Variants in NFAM1 observed in about 807,000 individuals in gnomAD.
NFAM1 encodes NFAT activating protein with ITAM motif 1, also known as NFAT activation molecule 1.
In NFAM1, 17 loss-of-function variants were observed where a neutral mutation model predicts 29.0. The ratio of observed to expected loss-of-function variants is 0.59; its 90% confidence interval spans 0.40 to 0.88. NFAM1 has a LOEUF of 0.88. NFAM1 is among the 40% of genes least tolerant of loss of function. The pLI is 0.00. For missense variants in NFAM1, 324 were observed against 344.6 expected, an observed-to-expected ratio of 0.94 and a Z score of 0.47; for synonymous variants, 175 against 147.2, an observed-to-expected ratio of 1.19 and a Z score of -1.36.
intron 1 of NFAM1, among the ~76,000 whole-genome samples, chr22:42,426,980 C>T (rs1289938558): frequency 6.6e-6 from 1 of 151,988 alleles, no homozygotes; most frequent in Non-Finnish European, 1.5e-5. Flanking sequence ...AGCACCCAGG[C>T]GGGGGGGCTC....
intron 1 of NFAM1, among the ~76,000 whole-genome samples, chr22:42,430,002 C>G (rs1164484628): frequency 6.6e-6 from 1 of 152,174 alleles, no homozygotes; most frequent in African/African-American, 2.4e-5. Context: ...GTGGCTCACG[C>G]CTGTAATCCC....
intron 1 of NFAM1, among the ~76,000 whole-genome samples, chr22:42,428,468 G>C (rs1930695515): frequency 6.6e-6 from 1 of 152,062 alleles, no homozygotes. Flanking sequence ...TTGAGACAGA[G>C]TCCTGCTCTG....
chr22:42,433,140 T>C (rs535683707), upstream of NFAM1, among the ~76,000 whole-genome samples: 6 of 152,240 alleles, frequency 3.9e-5, no homozygotes, highest in African/African-American at 1.2e-4. Flanking sequence ...GGGACAGGAA[T>C]TGTTTGCTGC....
chr22:42,392,273 G>C (rs1929370097), intron 4 of NFAM1, among the ~76,000 whole-genome samples: 1 of 152,184 alleles, frequency 6.6e-6, no homozygotes, highest in African/African-American at 2.4e-5. Context: ...GGAGAGTGTG[G>C]AATGTTCTGG....
intron 1 of NFAM1, among the ~76,000 whole-genome samples, chr22:42,427,417 G>C (rs1382085684): frequency 6.6e-6 from 1 of 152,236 alleles, no homozygotes; most frequent in Non-Finnish European, 1.5e-5. Flanking sequence ...CTGTGGCATC[G>C]CGTCTCCACC....
At chr22:42,410,019 T>G (rs1930029511) in intron 2 of NFAM1, among the ~76,000 whole-genome samples, 2 of 152,128 alleles carry the variant, frequency 1.3e-5, no homozygotes, top group South Asian at 4.1e-4. Flanking sequence ...CATCCAGTCC[T>G]CCTTCCCCTC....
At chr22:42,406,840 T>C (rs1425482407) in intron 3 of NFAM1, among the ~76,000 whole-genome samples, 2 of 152,090 alleles carry the variant, frequency 1.3e-5, no homozygotes, top group African/African-American at 4.8e-5. Flanking sequence ...AGTGGTGCCA[T>C]CTCGGCTCAC....
intron 1 of NFAM1, among the ~76,000 whole-genome samples, chr22:42,417,099 T>A (rs1053468303): frequency 6.6e-6 from 1 of 151,982 alleles, no homozygotes; most frequent in Non-Finnish European, 1.5e-5. Context: ...TCCACCCAGG[T>A]TGACCGGTGG....
rs1183151444 is a variant in NFAM1 at position 42,419,989 on chromosome 22, GGTTTTTTTTTTTTTTTTTTT to G, written c.122-8273_122-8254del. On this transcript the variant is annotated intron_variant, in intron 1 of 5. Coordinates refer to ENST00000329021, the MANE Select transcript of NFAM1 (RefSeq NM_145912.8). The surrounding 1 kb of genome is among the most constrained non-coding windows in gnomAD (Gnocchi z 4.5). ...CCTTTGAGTCTGTAATCCCACTCTT[GGTTTTTTTTTTTTTTTTTTT>G]TTTTTTTTTTTTTTTTTCTGAGGCA... is the stretch of plus-strand genomic sequence containing the variant. Among the ~76,000 whole-genome samples the G allele has an allele frequency of 4.6e-4, 26 of 56,530 alleles. No homozygotes were observed. In the East Asian group the frequency reaches 5.1e-3, roughly 11 times the overall value. 37.1% of individuals were successfully genotyped at this position (56,530 alleles called of 152,430 possible). A position where few individuals can be genotyped will look rare whatever the true frequency, so the allele number is the denominator to read the frequency against.
chr22:42,437,122 C>T (rs958153447), upstream of NFAM1: 2 of 296,446 alleles, frequency 6.7e-6, no homozygotes, highest in African/African-American at 5.8e-5. Flanking sequence ...ACAAAGGTGG[C>T]ATGATTTTTT....
the NFAM1 span, among the ~76,000 whole-genome samples, chr22:42,437,530 C>T: frequency 2.0e-5 from 3 of 152,244 alleles, no homozygotes; most frequent in South Asian, 6.2e-4. Flanking sequence ...CTGAAAGAGA[C>T]GAGCACAGAA....
At position 42,391,633 on chromosome 22, in the gene NFAM1, C is replaced by T. The variant is rs192586747; in HGVS notation, c.664-4555G>A. ...GCGATGAGGAGACGTGGGTAAGAGGCACTCAGAGGGGTAAAAAGTTGGAGT... is the reference window on the plus strand; with the variant it reads ...GCGATGAGGAGACGTGGGTAAGAGGTACTCAGAGGGGTAAAAAGTTGGAGT... On this transcript the variant is annotated intron_variant, in intron 4 of 5. Transcript: ENST00000329021. Among the ~76,000 whole-genome samples the T allele has an allele frequency of 4.8e-3, 734 of 152,070 alleles. 4 individuals carry two copies. Among genetic ancestry groups the T allele is most frequent in the African/African-American group, 0.017 (716 of 41,474 alleles).
chr22:42,415,005 G>A (rs1407684149), intron 1 of NFAM1, among the ~76,000 whole-genome samples: 1 of 152,156 alleles, frequency 6.6e-6, no homozygotes, highest in Non-Finnish European at 1.5e-5. Flanking sequence ...TAAGGTCACC[G>A]AGTTAGGCTC....
intron 3 of NFAM1, among the ~76,000 whole-genome samples, chr22:42,398,178 C>T (rs776786903): frequency 1.3e-5 from 2 of 152,158 alleles, no homozygotes; most frequent in Admixed American, 1.3e-4. Context: ...AAGGCCCACA[C>T]GAGGTGATGT....
chr22:42,406,121 T>C (rs1929889158), intron 3 of NFAM1, among the ~76,000 whole-genome samples: 2 of 32,094 alleles, frequency 6.2e-5, no homozygotes, highest in Admixed American at 9.5e-4. Flanking sequence ...GCTCTTCCAG[T>C]CCACAGCTCA....
intron 1 of NFAM1, among the ~76,000 whole-genome samples, chr22:42,429,723 C>T (rs918484876): frequency 3.9e-5 from 6 of 152,224 alleles, no homozygotes; most frequent in African/African-American, 1.2e-4. Flanking sequence ...GAATCAGGGA[C>T]GCTGGCCTTC....
intron 1 of NFAM1, among the ~76,000 whole-genome samples, chr22:42,428,140 A>G (rs1601764069): frequency 6.6e-6 from 1 of 151,572 alleles, no homozygotes; most frequent in South Asian, 2.1e-4. Flanking sequence ...TCTGCATCCC[A>G]CTCCTGTGTC....
intron 1 of NFAM1, among the ~76,000 whole-genome samples, chr22:42,423,245 A>G (rs1930508524): frequency 6.6e-6 from 1 of 152,124 alleles, no homozygotes; most frequent in Admixed American, 6.6e-5. Flanking sequence ...GGGAGCTGAC[A>G]GATGGAGACA....
intron 1 of NFAM1, among the ~76,000 whole-genome samples, chr22:42,431,775 T>TCCCCCCCCCC (rs34684252): frequency 1.8e-4 from 26 of 146,694 alleles, no homozygotes; most frequent in South Asian, 4.3e-4. Flanking sequence ...GGCCCTGGTA[T>TCCCCCCCCCC]CCCCCCCTCC....
Sources: allele counts gnomAD v4.1 joint callset (sites outside exome capture counted in the v4.1 genomes callset), GRCh38; gene constraint gnomAD v4.1.1; non-coding constraint Gnocchi (gnomAD v3.1); transcripts MANE v1.5; gene names NCBI Gene and HGNC (gene_info 2026-07-23, HGNC 2026-07-21).